KCNMA1: variants seen among roughly 807,000 people sequenced by gnomAD.
KCNMA1 encodes the protein potassium calcium-activated channel subfamily M alpha 1.
Under a neutral mutation model 140.0 loss-of-function variants are expected in KCNMA1, and 29 were observed. That is an observed-to-expected ratio of 0.21 (90% CI 0.15 to 0.28). The LOEUF (loss-of-function observed/expected upper bound fraction) is 0.28, where lower values mean the gene tolerates loss of function less well. Ranked by LOEUF, KCNMA1 falls within the 10% of genes least tolerant of loss-of-function variation. KCNMA1 has a pLI of 1.00. For synonymous variants in KCNMA1, 612 were observed against 611.9 expected (o/e 1.00, Z 0.00); for missense variants, 880 against 1,602.2 (o/e 0.55, Z 7.70).
intron 1 of KCNMA1, among the ~76,000 whole-genome samples, chr10:77,440,701 T>C (rs1395684093): frequency 6.6e-6 from 1 of 152,240 alleles, no homozygotes; most frequent in Non-Finnish European, 1.5e-5. Flanking sequence ...CGTGAGCTCA[T>C]TCTGAGTTGG....
chr10:77,073,395 G>A (rs1032245715), intron 13 of KCNMA1, 143 bp from the exon 14 acceptor site: 1 of 816,034 alleles, frequency 1.2e-6, no homozygotes, highest in Non-Finnish European at 2.0e-6. Flanking sequence ...TCTGATGTTT[G>A]CTGTTTTATG....
intron 16 of KCNMA1, among the ~76,000 whole-genome samples, chr10:77,025,267 TATATATATATATATACACACACAC>T: frequency 8.8e-6 from 1 of 113,426 alleles, no homozygotes; most frequent in Non-Finnish European, 1.8e-5. Context: ...TATATATATA[TATATATATATATATACACACACAC>T]ATATATAATA....
intron 5 of KCNMA1, among the ~76,000 whole-genome samples, chr10:77,139,900 GA>G (rs372886052): frequency 2.6e-5 from 4 of 151,188 alleles, no homozygotes; most frequent in East Asian, 1.9e-4. Context: ...TGTAGCCCCT[GA>G]AAAAAAAATT....
At position 77,314,773 on chromosome 10, in the gene KCNMA1, C is replaced by T. The variant is rs557464611; in HGVS notation, c.541-63517G>A. 2.6e-5 allele frequency among the ~76,000 whole-genome samples: 4 copies of T among 152,258 alleles called. No individual in the cohort carries two copies. In the East Asian group the frequency reaches 7.7e-4, roughly 29 times the overall value. Reference sequence around the variant, plus strand: ...CTCACATTATCTGTTCAAAAGCCTGCATCCACCTAGCAGGGTAATTTCATC... The same window carrying T: ...CTCACATTATCTGTTCAAAAGCCTGTATCCACCTAGCAGGGTAATTTCATC... On this transcript the variant is annotated intron_variant, in intron 2 of 27. Transcript: ENST00000286628.
At chr10:77,091,033 T>A (rs949051506) in intron 9 of KCNMA1, 8 of 172,874 alleles carry the variant, frequency 4.6e-5, no homozygotes, top group Non-Finnish European at 7.6e-5. Context: ...CGTTATAGGT[T>A]CTGCTGGCCA....
chr10:77,103,720 T>G (rs968060975), intron 9 of KCNMA1, among the ~76,000 whole-genome samples: 2 of 152,186 alleles, frequency 1.3e-5, no homozygotes, highest in Admixed American at 6.5e-5. Flanking sequence ...CAAGAGGGAA[T>G]TAGAATTCTA....
rs561575268 is a variant in KCNMA1 at position 77,076,174 on chromosome 10, T to C, written c.1594-2922A>G. Reference sequence around the variant, plus strand: ...ATTGCCCAAGTGTCAGGGTGGACAGTGGAAAAAAAAAGCTCAAAGAACTTG... The same window carrying C: ...ATTGCCCAAGTGTCAGGGTGGACAGCGGAAAAAAAAAGCTCAAAGAACTTG... On this transcript the variant is annotated intron_variant, in intron 13 of 27. Coordinates refer to ENST00000286628, the MANE Select transcript of KCNMA1 (RefSeq NM_001161352.2). 9.6e-4 allele frequency among the ~76,000 whole-genome samples: 145 copies of C among 151,748 alleles called. 1 individual carries two copies. Among genetic ancestry groups the C allele is most frequent in the Middle Eastern group, 3.4e-3 (1 of 294 alleles).
chr10:77,209,130 T>A (rs554978817), intron 3 of KCNMA1, among the ~76,000 whole-genome samples: 16 of 152,268 alleles, frequency 1.1e-4, no homozygotes, highest in African/African-American at 3.6e-4. Flanking sequence ...TCTGGGTTAG[T>A]CCTTTCTCCA....
chr10:77,571,549 G>T (rs919223232), intron 1 of KCNMA1, among the ~76,000 whole-genome samples: 1 of 152,208 alleles, frequency 6.6e-6, no homozygotes, highest in Non-Finnish European at 1.5e-5. Flanking sequence ...AGCCAAAACA[G>T]ATAAGGGCCC....
intron 19 of KCNMA1, among the ~76,000 whole-genome samples, chr10:76,977,154 A>G (rs1051230386): frequency 2.6e-5 from 4 of 152,122 alleles, no homozygotes; most frequent in African/African-American, 9.7e-5. Context: ...AGGTTGCCCT[A>G]GCACTTGCAG....
At chr10:77,568,682 G>A (rs2069438887) in intron 1 of KCNMA1, among the ~76,000 whole-genome samples, 1 of 148,934 alleles carries the variant, frequency 6.7e-6, no homozygotes, top group African/African-American at 2.5e-5. Flanking sequence ...CACAAGACAG[G>A]GATGCCCTCT....
chr10:77,232,669 C>T (rs1454929749), intron 3 of KCNMA1, among the ~76,000 whole-genome samples: 4 of 152,062 alleles, frequency 2.6e-5, no homozygotes, highest in African/African-American at 4.8e-5. Context: ...TTGATGAGGT[C>T]CAATTTATCT....
chr10:77,145,012 G>A (rs1008047573), intron 5 of KCNMA1, among the ~76,000 whole-genome samples: 1 of 152,178 alleles, frequency 6.6e-6, no homozygotes, highest in Non-Finnish European at 1.5e-5. Context: ...CCAAAAATCT[G>A]CCAAAGCACT....
intron 3 of KCNMA1, among the ~76,000 whole-genome samples, chr10:77,215,208 C>T (rs1000640753): frequency 6.6e-6 from 1 of 152,114 alleles, no homozygotes; most frequent in African/African-American, 2.4e-5. Context: ...CCTGATTCCT[C>T]CTTCCATTCA....
intron 1 of KCNMA1, among the ~76,000 whole-genome samples, chr10:77,495,932 AGTCTTCCT>A (rs1229850234): frequency 1.3e-5 from 2 of 152,166 alleles, no homozygotes; most frequent in Non-Finnish European, 2.9e-5. Flanking sequence ...AGCCTCAGGA[AGTCTTCCT>A]GTGTGGAAGC....
intron 1 of KCNMA1, among the ~76,000 whole-genome samples, chr10:77,493,481 G>A (rs559248371): frequency 6.6e-5 from 10 of 152,382 alleles, no homozygotes; most frequent in Non-Finnish European, 1.3e-4. Context: ...TGAGTTGGAG[G>A]CAGGATGGCA....
At chr10:77,384,218 C>T (rs2095526110) in intron 2 of KCNMA1, among the ~76,000 whole-genome samples, 1 of 152,210 alleles carries the variant, frequency 6.6e-6, no homozygotes, top group Non-Finnish European at 1.5e-5. Context: ...ATTTCATCTC[C>T]CAGTTGAGAA....
chr10:77,501,635 A>C (rs1289700645), intron 1 of KCNMA1, among the ~76,000 whole-genome samples: 1 of 152,160 alleles, frequency 6.6e-6, no homozygotes, highest in Admixed American at 6.5e-5. Flanking sequence ...GCAAGACTGC[A>C]GAGCTGAGCA....
chr10:76,878,911 C>T (rs897055313), intron 29 of KCNMA1, among the ~76,000 whole-genome samples: 2 of 152,036 alleles, frequency 1.3e-5, no homozygotes, highest in Non-Finnish European at 2.9e-5. Flanking sequence ...TCATATGCCT[C>T]ACTTTAGTGG....
Sources: allele counts gnomAD v4.1 joint callset (sites outside exome capture counted in the v4.1 genomes callset), GRCh38; gene constraint gnomAD v4.1.1; transcripts MANE v1.5; gene names NCBI Gene and HGNC (gene_info 2026-07-23, HGNC 2026-07-21).